Variants in NMBR observed in about 807,000 individuals in gnomAD.
NMBR encodes the protein neuromedin B receptor, also known as neuromedin-B receptor.
Under a neutral mutation model 20.5 loss-of-function variants are expected in NMBR, and 16 were observed. That is an observed-to-expected ratio of 0.78 (90% confidence interval 0.53 to 1.19). The LOEUF is 1.19. NMBR is among the 50% of genes most tolerant of loss of function. NMBR has a pLI of 0.00. For missense variants in NMBR, 582 were observed against 499.1 expected (o/e 1.17, Z -1.58); for synonymous variants, 212 against 196.6 (o/e 1.08, Z -0.65).
At chr6:142,133,999 CT>C (rs1263628451) in intron 1 of NMBR, 2 of 702,358 alleles carry the variant, frequency 2.8e-6, no homozygotes, top group Non-Finnish European at 5.2e-6. Context: ...TAAACCTCTT[CT>C]GTTACAATCA....
intron 1 of NMBR, among the ~76,000 whole-genome samples, chr6:142,125,284 G>A (rs1339852084): frequency 6.6e-6 from 1 of 151,862 alleles, no homozygotes; most frequent in Non-Finnish European, 1.5e-5. Context: ...AAATGGTAGA[G>A]AGGAAACATA....
Position 142,088,659 on chromosome 6 carries a change from G to T in NMBR, c.-1C>A, listed in dbSNP as rs1777254557. The T allele has an allele frequency of 1.3e-6, 2 of 1,597,118 alleles. No individual in the cohort carries two copies. The highest frequency in any genetic ancestry group is 1.3e-5 in the African/African-American group (1 of 74,720). On this transcript the variant is annotated 5_prime_UTR_variant, in exon 2 of 4. Transcript: ENST00000258042. ...GGTTGGAAAGAGACTTAGAGGGCAT[G>T]ATCTCCTTTCCAGCAGAGTCCGCTG...
At chr6:142,098,936 T>C (rs1255429830) in intron 1 of NMBR, among the ~76,000 whole-genome samples, 1 of 152,074 alleles carries the variant, frequency 6.6e-6, no homozygotes, top group Non-Finnish European at 1.5e-5. Context: ...CAAAACAGTA[T>C]GGATATTAAT....
chr6:142,086,467 A>G lies in NMBR; in HGVS notation c.422+1770T>C, dbSNP rs1316674737. ...TAGAAGAAAAATAGAAGTGTAGACA[A>G]TATATAACAAACCATTTCCAACCCA... On this transcript the variant is annotated intron_variant, in intron 2 of 3. Coordinates refer to ENST00000258042, the MANE Select transcript of NMBR (RefSeq NM_002511.4). Among the ~76,000 whole-genome samples, 3 of 152,142 alleles carry G rather than the reference A, an allele frequency of 2.0e-5. No homozygotes were observed. In the East Asian group the frequency reaches 5.8e-4, roughly 29 times the overall value.
chr6:142,088,473 G>T lies in NMBR; in HGVS notation c.186C>A (p.Ile62=), dbSNP rs1202027843. The change falls in exon 2 of 4, where the codon ATC becomes ATA. Residue 62 remains isoleucine (I), a synonymous_variant. Coordinates refer to ENST00000258042, the MANE Select transcript of NMBR (RefSeq NM_002511.4). ...TGGTGATGAAGATCTTCACCAGCAT[G>T]ATGTTGCCCAGCAAGCCCACGGTGA... ...LIITVGLLGN[I]MLVKIFITNS... 6.2e-6 allele frequency: 10 copies of T among 1,613,990 alleles called. No homozygotes were observed. The highest frequency in any genetic ancestry group is 8.5e-6 in the Non-Finnish European group (10 of 1,180,016).
chr6:142,113,171 A>G (rs1777802101), intron 1 of NMBR, among the ~76,000 whole-genome samples: 1 of 152,118 alleles, frequency 6.6e-6, no homozygotes, highest in African/African-American at 2.4e-5. Flanking sequence ...TATACTTTCA[A>G]AGGATGGAAA....
chr6:142,126,441 G>A (rs1778039681), intron 1 of NMBR, among the ~76,000 whole-genome samples: 1 of 151,802 alleles, frequency 6.6e-6, no homozygotes, highest in Admixed American at 6.6e-5. Flanking sequence ...TAAGATTGCT[G>A]AATTATTAAG....
chr6:142,084,958 A>G (rs1562233385), intron 2 of NMBR, among the ~76,000 whole-genome samples: 1 of 152,226 alleles, frequency 6.6e-6, no homozygotes, highest in Non-Finnish European at 1.5e-5. Context: ...CAGAATATAG[A>G]AATACTTTTA....
chr6:142,077,616 ATAAAGGT>A (rs1776975916), intron 3 of NMBR, among the ~76,000 whole-genome samples: 1 of 152,208 alleles, frequency 6.6e-6, no homozygotes, highest in Non-Finnish European at 1.5e-5. Flanking sequence ...CCACCAATTC[ATAAAGGT>A]TACCTTCCAT....
At chr6:142,095,061 A>G (rs1247764322) in intron 1 of NMBR, among the ~76,000 whole-genome samples, 1 of 152,110 alleles carries the variant, frequency 6.6e-6, no homozygotes, top group African/African-American at 2.4e-5. Context: ...GGCTGAGACA[A>G]TGGGGTTTTC....
intron 1 of NMBR, among the ~76,000 whole-genome samples, chr6:142,131,428 C>T (rs1778140308): frequency 6.6e-6 from 1 of 152,140 alleles, no homozygotes; most frequent in Admixed American, 6.5e-5. Context: ...CATTAGCAAA[C>T]GTAAAGCAAG....
chr6:142,092,056 T>C (rs1451374501), intron 1 of NMBR, among the ~76,000 whole-genome samples: 1 of 152,136 alleles, frequency 6.6e-6, no homozygotes, highest in Non-Finnish European at 1.5e-5. Context: ...CTTAAGATCA[T>C]GACAAAGGCA....
At chr6:142,120,851 A>G (rs933590215) in intron 1 of NMBR, among the ~76,000 whole-genome samples, 4 of 152,004 alleles carry the variant, frequency 2.6e-5, no homozygotes, top group African/African-American at 9.7e-5. Flanking sequence ...AATTTACAAC[A>G]TCAGACATCC....
intron 1 of NMBR, chr6:142,133,738 C>T: frequency 1.9e-6 from 1 of 519,382 alleles, no homozygotes. Context: ...GTCTATTTGG[C>T]TTCAAAACTT....
Position 142,080,568 on chromosome 6 carries a change from C to A in NMBR, c.423-1665G>T, listed in dbSNP as rs1428377603. ...GCTCAAGTGATCTGCCGACCTCAGC[C>A]TCCCAAAGTGCTGGGGTTATAGGTA... On this transcript the variant is annotated intron_variant, in intron 2 of 3. Transcript: ENST00000258042. Among the ~76,000 whole-genome samples the A allele has an allele frequency of 3.3e-5, 5 of 152,258 alleles. No individual in the cohort carries two copies. In the East Asian group the frequency reaches 9.7e-4, roughly 29 times the overall value.
rs1230537807 is a variant in NMBR at position 142,078,569 on chromosome 6, G to T, written c.757C>A (p.His253Asn). ...AHNLPGEYNEHTKKQMETRKR... is the reference protein window; with the variant it reads ...AHNLPGEYNENTKKQMETRKR... ...ACTAAGCTTACCTGTTTTTTGGTATGTTCATTGTATTCTCCAGGAAGATTG... is the reference window on the plus strand; with the variant it reads ...ACTAAGCTTACCTGTTTTTTGGTATTTTCATTGTATTCTCCAGGAAGATTG... The change falls in exon 3 of 4, where the codon CAT becomes AAT. Residue 253 changes from histidine to asparagine, a missense_variant. Physicochemically the swap from His to Asn is moderately conservative, Grantham distance 68. Coordinates refer to ENST00000258042, the MANE Select transcript of NMBR (RefSeq NM_002511.4). 1 of 1,590,422 alleles carries T rather than the reference G, an allele frequency of 6.3e-7. No homozygotes were observed. Among genetic ancestry groups the T allele is most frequent in the Admixed American group, 1.7e-5 (1 of 58,434 alleles).
intron 1 of NMBR, among the ~76,000 whole-genome samples, chr6:142,117,179 T>C (rs1047268747): frequency 6.6e-6 from 1 of 151,868 alleles, no homozygotes; most frequent in Non-Finnish European, 1.5e-5. Flanking sequence ...AGCCCAAACA[T>C]ATAGAGCTAG....
rs181249790 is a variant in NMBR at position 142,088,803 on chromosome 6, G to A, written c.-145C>T. 2 of 696,292 alleles carry A rather than the reference G, an allele frequency of 2.9e-6. No homozygotes were observed. Among genetic ancestry groups the A allele is most frequent in the Middle Eastern group, 4.0e-4 (1 of 2,510 alleles). 43.1% of individuals were successfully genotyped at this position (696,292 alleles called of 1,614,324 possible). A position where few individuals can be genotyped will look rare whatever the true frequency, so the allele number is the denominator to read the frequency against. On this transcript the variant is annotated 5_prime_UTR_variant, in exon 2 of 4. In the 5' UTR this introduces an upstream ATG that the reference lacks. Coordinates refer to ENST00000258042, the MANE Select transcript of NMBR (RefSeq NM_002511.4). ...CGCGGGGCAAGCCTCACAGCACCACGTCCCTAAGAGTTCAGGACCTGGGGA... is the reference window on the plus strand; with the variant it reads ...CGCGGGGCAAGCCTCACAGCACCACATCCCTAAGAGTTCAGGACCTGGGGA...
intron 1 of NMBR, among the ~76,000 whole-genome samples, chr6:142,093,868 C>T (rs1777386894): frequency 1.3e-5 from 2 of 152,086 alleles, no homozygotes; most frequent in African/African-American, 4.8e-5. Flanking sequence ...GATGGTATCT[C>T]CTTGTGGTTT....
Sources: allele counts gnomAD v4.1 joint callset (sites outside exome capture counted in the v4.1 genomes callset), GRCh38; gene constraint gnomAD v4.1.1; transcripts MANE v1.5; gene names NCBI Gene and HGNC (gene_info 2026-07-23, HGNC 2026-07-21).